Variants in FGL2 observed in about 807,000 individuals in gnomAD.
The protein encoded by FGL2 is fibroleukin.
Under a neutral mutation model 36.0 loss-of-function variants are expected in FGL2, and 21 were observed. The ratio of observed to expected loss-of-function variants is 0.58; its 90% CI spans 0.41 to 0.84. FGL2 has a LOEUF of 0.84. Ranked by LOEUF, FGL2 falls within the 40% of genes least tolerant of loss-of-function variation. FGL2 has a pLI of 0.00. For missense variants in FGL2, 444 were observed against 526.3 expected (o/e 0.84, Z 1.53); for synonymous variants, 183 against 190.7 (o/e 0.96, Z 0.33).
chr7:77,197,075 A>T, intron 1 of FGL2, 90 bp from the exon 2 acceptor site: 1 of 771,656 alleles, frequency 1.3e-6, no homozygotes, highest in Non-Finnish European at 2.1e-6. Context: ...GCAGTTTGAT[A>T]ATTGAATCAA....
In FGL2 at chr7:77,195,022, A is replaced by C. The variant is rs1320834280; in HGVS notation, c.*1257T>G. On this transcript the variant is annotated 3_prime_UTR_variant, in exon 2 of 2. Transcript: ENST00000248598. ...TTTAACTACTGTTCTATATATTTCA[A>C]AATTCATGTTTTCTATCTGTCCTAG... 1 of 152,166 alleles carries C rather than the reference A, an allele frequency of 6.6e-6. No homozygotes were observed. Among genetic ancestry groups the C allele is most frequent in the Non-Finnish European group, 1.5e-5 (1 of 68,000 alleles). 9.4% of individuals were successfully genotyped at this position (152,166 alleles called of 1,614,324 possible).
At position 77,193,509 on chromosome 7, in the gene FGL2, T is replaced by G. The variant is rs919300061; in HGVS notation, c.*2770A>C. 4 of 152,220 alleles carry G rather than the reference T, an allele frequency of 2.6e-5. No homozygotes were observed. Among genetic ancestry groups the G allele is most frequent in the African/African-American group, 9.6e-5 (4 of 41,470 alleles). 9.4% of individuals were successfully genotyped at this position (152,220 alleles called of 1,614,324 possible). On this transcript the variant is annotated 3_prime_UTR_variant, in exon 2 of 2. Transcript: ENST00000248598. ...GAAAAGAATTTTAAACAAGAGCTTA[T>G]TGTGATGACATTACTCATAACTTTT...
chr7:77,197,068 GT>G, intron 1 of FGL2, 83 bp from the exon 2 acceptor site: 1 of 848,344 alleles, frequency 1.2e-6, no homozygotes, highest in South Asian at 1.7e-5. Flanking sequence ...TACAAAAGCA[GT>G]TTGATAATTG....
At position 77,194,095 on chromosome 7, in the gene FGL2, A is replaced by G. The variant is rs1042848796; in HGVS notation, c.*2184T>C. On this transcript the variant is annotated 3_prime_UTR_variant, in exon 2 of 2. Transcript: ENST00000248598. ...ATAATGTGGATAGAACAAGCTTTTG[A>G]ATATTTACATGGATTAATGAATTAT... The G allele has an allele frequency of 7.2e-5, 11 of 152,246 alleles. No individual in the cohort carries two copies. The highest frequency in any genetic ancestry group is 2.6e-4 in the African/African-American group (11 of 41,586). 9.4% of individuals were successfully genotyped at this position (152,246 alleles called of 1,614,324 possible).
chr7:77,197,824 G>T (rs1791903762), intron 1 of FGL2, among the ~76,000 whole-genome samples: 1 of 151,744 alleles, frequency 6.6e-6, no homozygotes, highest in African/African-American at 2.4e-5. Context: ...TCACATGTTG[G>T]GTTTCTAGAA....
At position 77,199,425 on chromosome 7, in the gene FGL2, TC is replaced by T. The variant is rs1187257827; in HGVS notation, c.368del (p.Gly123GlufsTer11). ...CTCTAACTCTGTTATCACCAACCTC[TC>T]CCGGGGCTCCTGTACTGGGTAACAA... ...GLLLPSTGAPGEVGDNRVREL... is the reference protein window; with the variant it reads ...GLLLPSTGAPXEVGDNRVREL... On this transcript the variant is annotated frameshift_variant, in exon 1 of 2. Transcript: ENST00000248598. LOFTEE classifies it high-confidence loss of function. 6.2e-7 allele frequency: 1 copy of T among 1,614,144 alleles called. No homozygotes were observed. Among genetic ancestry groups the T allele is most frequent in the East Asian group, 2.2e-5 (1 of 44,872 alleles).
intron 1 of FGL2, among the ~76,000 whole-genome samples, chr7:77,197,348 ATTGACCT>A (rs1323468478): frequency 6.6e-6 from 1 of 152,266 alleles, no homozygotes; most frequent in Admixed American, 6.5e-5. Flanking sequence ...GAATCTGAAC[ATTGACCT>A]TATGATGTAG....
In FGL2 at chr7:77,193,611, G is replaced by T. The variant is rs150294115; in HGVS notation, c.*2668C>A. On this transcript the variant is annotated 3_prime_UTR_variant, in exon 2 of 2. Transcript: ENST00000248598. The stretch of plus-strand genomic sequence containing the variant: ...TTGTTGCCCAGATTTCTTATGTTTT[G>T]TATATTTAAGCTCTTTATTTATTGA... The T allele has an allele frequency of 1.3e-5, 2 of 152,114 alleles. No homozygotes were observed. Among genetic ancestry groups the T allele is most frequent in the Admixed American group, 1.3e-4 (2 of 15,268 alleles). 9.4% of individuals were successfully genotyped at this position (152,114 alleles called of 1,614,324 possible).
Position 77,196,952 on chromosome 7 carries a change from T to C in FGL2, c.647A>G (p.Tyr216Cys). The C allele has an allele frequency of 6.2e-7, 1 of 1,610,962 alleles. No homozygotes were observed. The highest frequency in any genetic ancestry group is 8.5e-7 in the Non-Finnish European group (1 of 1,178,446). Residue 216 changes from tyrosine (Y) to cysteine (C), a missense_variant, in exon 2 of 2, where the codon TAC (tyrosine) becomes TGC (cysteine). Coordinates refer to ENST00000248598, the MANE Select transcript of FGL2 (RefSeq NM_006682.3). The surrounding 1 kb of genome is among the most constrained non-coding windows in gnomAD (Gnocchi z 4.2). ...QHLIYKDCSD[Y>C]YAIGKRSSET... ...ACTGCTTCTTTTGCCTATTGCGTAG[T>C]AGTCAGAGCAATCTTTATATATTAG...
Position 77,198,751 on chromosome 7 carries a change from A to C in FGL2, c.613+430T>G, listed in dbSNP as rs980874816. 7 of 182,072 alleles carry C rather than the reference A, an allele frequency of 3.8e-5. 1 individual carries two copies. Among genetic ancestry groups the C allele is most frequent in the Admixed American group, 2.4e-4 (4 of 16,464 alleles). 11.3% of individuals were successfully genotyped at this position (182,072 alleles called of 1,614,324 possible). A position where few individuals can be genotyped will look rare whatever the true frequency, so the allele number is the denominator to read the frequency against. On this transcript the variant is annotated intron_variant, in intron 1 of 1. Transcript: ENST00000248598. ...GATTACTTGCTAAAATCTTTCAAAG[A>C]CCTCTTTAGCCATGAGAAGCGGCAG...
chr7:77,196,114 T>G lies in FGL2; in HGVS notation c.*165A>C, dbSNP rs1316834197. On this transcript the variant is annotated 3_prime_UTR_variant, in exon 2 of 2. Transcript: ENST00000248598. This position sits in a 1 kb window ranked among gnomAD's most constrained non-coding sequence, Gnocchi z 4.2. ...ATAACAACAAAGGACTCCTTTAAAA[T>G]GCATTGTTTTTCAGCTTTATTTCAA... is the stretch of plus-strand genomic sequence containing the variant. The G allele has an allele frequency of 1.7e-6, 1 of 588,846 alleles. No homozygotes were observed. Among genetic ancestry groups the G allele is most frequent in the Middle Eastern group, 4.4e-4 (1 of 2,298 alleles). The allele number at this position is 588,846 out of a possible 1,614,324, so 36.5% of individuals were successfully genotyped here. A position where few individuals can be genotyped will look rare whatever the true frequency, so the allele number is the denominator to read the frequency against.
chr7:77,198,182 G>A, intron 1 of FGL2: 4 of 985,454 alleles, frequency 4.1e-6, no homozygotes, highest in Non-Finnish European at 4.8e-6. Context: ...GCTGCCAGGA[G>A]TATTACCAAT....
In FGL2 at chr7:77,196,309, C is replaced by T. The variant is rs768221638; in HGVS notation, c.1290G>A (p.Met430Ile). The change falls in exon 2 of 2, where the codon ATG (methionine) becomes ATA (isoleucine). Residue 430 changes from methionine (M) to isoleucine (I), a missense_variant. Coordinates refer to ENST00000248598, the MANE Select transcript of FGL2 (RefSeq NM_006682.3). This position sits in a 1 kb window ranked among gnomAD's most constrained non-coding sequence, Gnocchi z 4.2. ...GCTTAAAGTGCTTGGGTCTGATCAT[C>T]ATCTTAGCCTCTTTGAAGGAGGACT... ...GYKSSFKEAK[M>I]MIRPKHFKP The T allele has an allele frequency of 2.5e-6, 4 of 1,613,944 alleles. No homozygotes were observed. Among genetic ancestry groups the T allele is most frequent in the Non-Finnish European group, 3.4e-6 (4 of 1,179,926 alleles).
At position 77,195,861 on chromosome 7, in the gene FGL2, T is replaced by G. The variant is rs1008936542; in HGVS notation, c.*418A>C. 1 of 160,284 alleles carries G rather than the reference T, an allele frequency of 6.2e-6. No individual in the cohort carries two copies. The highest frequency in any genetic ancestry group is 2.4e-5 in the African/African-American group (1 of 41,558). 9.9% of individuals were successfully genotyped at this position (160,284 alleles called of 1,614,324 possible). On this transcript the variant is annotated 3_prime_UTR_variant, in exon 2 of 2. Coordinates refer to ENST00000248598, the MANE Select transcript of FGL2 (RefSeq NM_006682.3). ...TAATAGAGACAGCGTTTCACATGTT[T>G]GGCCAGGCTGGTCTCAAACTCCTGA...
intron 1 of FGL2, 141 bp downstream of exon 1, chr7:77,199,040 T>A (rs1039469603): frequency 8.2e-5 from 59 of 718,646 alleles, no homozygotes; most frequent in Admixed American, 4.4e-4. Context: ...GAGAAGATAT[T>A]TATTTTTTCC....
chr7:77,196,203 A>T lies in FGL2; in HGVS notation c.*76T>A. On this transcript the variant is annotated 3_prime_UTR_variant, in exon 2 of 2. Coordinates refer to ENST00000248598, the MANE Select transcript of FGL2 (RefSeq NM_006682.3). This position sits in a 1 kb window ranked among gnomAD's most constrained non-coding sequence, Gnocchi z 4.2. ...TTTTTAGCTATGAAAAATATGAAACAAGGCATATTCTAAAGTGCTGAAGGA... is the reference window on the plus strand; with the variant it reads ...TTTTTAGCTATGAAAAATATGAAACTAGGCATATTCTAAAGTGCTGAAGGA... The T allele has an allele frequency of 9.7e-7, 1 of 1,033,908 alleles. No individual in the cohort carries two copies. The highest frequency in any genetic ancestry group is 1.4e-6 in the Non-Finnish European group (1 of 709,654). 64.0% of individuals were successfully genotyped at this position (1,033,908 alleles called of 1,614,324 possible).
chr7:77,199,359 C>G lies in FGL2; in HGVS notation c.435G>C (p.Lys145Asn), dbSNP rs749177820. ...SEVNKLSSEL[K>N]NAKEEINVLH... ...GTACATTGATCTCCTCTTTGGCATT[C>G]TTTAGCTCAGAGGACAGCTTGTTAA... Residue 145 changes from lysine to asparagine, a missense_variant, in exon 1 of 2, where the codon AAG becomes AAC. Coordinates refer to ENST00000248598, the MANE Select transcript of FGL2 (RefSeq NM_006682.3). 6.2e-7 allele frequency: 1 copy of G among 1,614,114 alleles called. No individual in the cohort carries two copies. The highest frequency in any genetic ancestry group is 8.5e-7 in the Non-Finnish European group (1 of 1,179,968).
In FGL2 at chr7:77,196,349, T is replaced by C. The variant is rs1211440783; in HGVS notation, c.1250A>G (p.His417Arg). 6.2e-7 allele frequency: 1 copy of C among 1,614,138 alleles called. No homozygotes were observed. The highest frequency in any genetic ancestry group is 8.5e-7 in the Non-Finnish European group (1 of 1,180,014). ...GAAGGAGGACTTGTAGCCACCAGGGTGTGCCTCACTTACACCAGGCCAGGT... is the reference window on the plus strand; with the variant it reads ...GAAGGAGGACTTGTAGCCACCAGGGCGTGCCTCACTTACACCAGGCCAGGT... ...WGTWPGVSEA[H>R]PGGYKSSFKE... is the part of the protein sequence containing the mutation. The change falls in exon 2 of 2, where the codon CAC (histidine) becomes CGC (arginine). Residue 417 changes from histidine (H) to arginine (R), a missense_variant. Transcript: ENST00000248598. The surrounding 1 kb of genome is among the most constrained non-coding windows in gnomAD (Gnocchi z 4.2).
In FGL2 at chr7:77,199,245, A is replaced by G. The variant is rs1562830632; in HGVS notation, c.549T>C (p.Val183=). 1 of 1,613,932 alleles carries G rather than the reference A, an allele frequency of 6.2e-7. No individual in the cohort carries two copies. Among genetic ancestry groups the G allele is most frequent in the Non-Finnish European group, 8.5e-7 (1 of 1,179,828 alleles). ...VDSKVANLTF[V]VNSLDGKCSK... ...AACATTTGCCATCCAAACTATTGAC[A>G]ACAAATGTTAGATTTGCCACTTTGC... The change falls in exon 1 of 2, where the codon GTT becomes GTC. Residue 183 remains valine (V), a synonymous_variant. Transcript: ENST00000248598.
Sources: allele counts gnomAD v4.1 joint callset (sites outside exome capture counted in the v4.1 genomes callset), GRCh38; gene constraint gnomAD v4.1.1; non-coding constraint Gnocchi (gnomAD v3.1); transcripts MANE v1.5; gene names NCBI Gene and HGNC (gene_info 2026-07-23, HGNC 2026-07-21).